GATC: variants seen among roughly 807,000 people sequenced by gnomAD.
GATC encodes glutamyl-tRNA amidotransferase subunit C.
In GATC, 11 loss-of-function variants were observed where a neutral mutation model predicts 14.4. That is an observed-to-expected ratio of 0.77 (90% CI 0.48 to 1.27). GATC has a LOEUF of 1.27. Ranked by LOEUF, GATC falls within the 50% of genes most tolerant of loss-of-function variation. The pLI, the probability that GATC is intolerant of heterozygous loss-of-function variation, is 0.00. For synonymous variants in GATC, 76 were observed against 79.3 expected (o/e 0.96, Z 0.22); for missense variants, 204 against 183.0 (o/e 1.11, Z -0.66).
In GATC at chr12:120,462,210, G is replaced by A. The variant is rs763535413; in HGVS notation, c.*2251G>A. On this transcript the variant is annotated 3_prime_UTR_variant, in exon 4 of 4. Coordinates refer to ENST00000551765, the MANE Select transcript of GATC (RefSeq NM_176818.3). Reference sequence around the variant, plus strand: ...AAGAGTAAAGGGGAAAAAAATCAGAGCCAGAAGAATAAGCAAACCAACATC... The same window carrying A: ...AAGAGTAAAGGGGAAAAAAATCAGAACCAGAAGAATAAGCAAACCAACATC... The A allele has an allele frequency of 4.5e-6, 7 of 1,558,130 alleles. No homozygotes were observed. The highest frequency in any genetic ancestry group is 4.4e-6 in the Non-Finnish European group (5 of 1,148,604).
chr12:120,447,869 T>C (rs76569989), intron 2 of GATC, among the ~76,000 whole-genome samples: 4,539 of 151,964 alleles, frequency 0.03, 241 homozygotes, highest in African/African-American at 0.1. Flanking sequence ...GAGCCTCCCA[T>C]CTCAGCCTCC....
intron 2 of GATC, among the ~76,000 whole-genome samples, chr12:120,453,827 G>A (rs1332975917): frequency 5.0e-5 from 7 of 140,260 alleles, no homozygotes; most frequent in Non-Finnish European, 8.0e-5. Flanking sequence ...AAAAAAAAAA[G>A]TAAAACAACA....
intron 3 of GATC, among the ~76,000 whole-genome samples, chr12:120,458,658 C>T (rs1878247223): frequency 6.6e-6 from 1 of 152,160 alleles, no homozygotes; most frequent in Non-Finnish European, 1.5e-5. Context: ...TTGTACTACC[C>T]CTCTGGGCAT....
intron 3 of GATC, among the ~76,000 whole-genome samples, 172 bp downstream of exon 3, chr12:120,457,351 G>C (rs1183640123): frequency 6.6e-6 from 1 of 152,032 alleles, no homozygotes; most frequent in African/African-American, 2.4e-5. Flanking sequence ...ACCTCTAGGG[G>C]GCAGTTAGTA....
intron 2 of GATC, among the ~76,000 whole-genome samples, chr12:120,449,119 C>T (rs920493356): frequency 6.6e-6 from 1 of 151,820 alleles, no homozygotes; most frequent in Non-Finnish European, 1.5e-5. Context: ...CCCACTACCA[C>T]GCCTGGCTAA....
intron 3 of GATC, 80 bp downstream of exon 3, chr12:120,457,259 T>TG (rs1239325161): frequency 7.4e-6 from 8 of 1,087,338 alleles, no homozygotes; most frequent in African/African-American, 3.1e-5. Flanking sequence ...GGACCAAAGA[T>TG]GCTATGTGAA....
At position 120,459,910 on chromosome 12, in the gene GATC, A is replaced by G; in HGVS notation, c.362A>G (p.Asn121Ser). Residue 121 changes from asparagine (N) to serine (S), a missense_variant, in exon 4 of 4, where the codon AAT becomes AGT. Transcript: ENST00000551765. ...VEEYFVAPPGNISLPKLDEQE... is the reference protein window; with the variant it reads ...VEEYFVAPPGSISLPKLDEQE... ...CTCTTTTGTTATTTTCAAACAGGTA[A>G]TATCTCTTTGCCAAAGCTGGATGAA... The G allele has an allele frequency of 1.2e-6, 2 of 1,611,340 alleles. No homozygotes were observed. The highest frequency in any genetic ancestry group is 1.7e-6 in the Non-Finnish European group (2 of 1,177,700).
rs151050315 is a variant in GATC at position 120,460,197 on chromosome 12, A to G, written c.*238A>G. On this transcript the variant is annotated 3_prime_UTR_variant, in exon 4 of 4. Transcript: ENST00000551765. ...AAAAGCAAAAGTCAGCTTCCAAGGAATTCACTTAACAGGCCTGTTCAGTAT... is the reference window on the plus strand; with the variant it reads ...AAAAGCAAAAGTCAGCTTCCAAGGAGTTCACTTAACAGGCCTGTTCAGTAT... 2.2e-6 allele frequency: 1 copy of G among 457,912 alleles called. No homozygotes were observed. Among genetic ancestry groups the G allele is most frequent in the African/African-American group, 2.0e-5 (1 of 49,368 alleles). 28.4% of individuals were successfully genotyped at this position (457,912 alleles called of 1,614,324 possible).
At position 120,461,237 on chromosome 12, in the gene GATC, A is replaced by G. The variant is rs1326834541; in HGVS notation, c.*1278A>G. The G allele has an allele frequency of 6.6e-6, 1 of 152,020 alleles. No individual in the cohort carries two copies. Among genetic ancestry groups the G allele is most frequent in the Non-Finnish European group, 1.5e-5 (1 of 68,050 alleles). The allele number at this position is 152,020 out of a possible 1,614,324, so 9.4% of individuals were successfully genotyped here. ...CAGCCTCCTAAGTAACTGGGACTAC[A>G]TATGTGCATCACCACGTCCAGTTAA... On this transcript the variant is annotated 3_prime_UTR_variant, in exon 4 of 4. Transcript: ENST00000551765.
At chr12:120,453,937 G>GTACA (rs951597621) in intron 2 of GATC, among the ~76,000 whole-genome samples, 6 of 152,064 alleles carry the variant, frequency 3.9e-5, no homozygotes, top group African/African-American at 1.4e-4. Flanking sequence ...ATGTATGTAT[G>GTACA]TACATACATA....
rs193163400 is a variant in GATC, at chr12:120,456,130, A to G, written c.255-946A>G. On this transcript the variant is annotated intron_variant, in intron 2 of 3. Coordinates refer to ENST00000551765, the MANE Select transcript of GATC (RefSeq NM_176818.3). ...AGGAGCGTGGCTACTACCGAATACCATATCAGTGATTTAACAGACTGCTTA... is the reference window on the plus strand; with the variant it reads ...AGGAGCGTGGCTACTACCGAATACCGTATCAGTGATTTAACAGACTGCTTA... Among the ~76,000 whole-genome samples, 37 of 152,302 alleles carry G rather than the reference A, an allele frequency of 2.4e-4. No homozygotes were observed. In the East Asian group the frequency reaches 3.1e-3, roughly 13 times the overall value.
At chr12:120,451,881 T>C (rs963616935) in intron 2 of GATC, among the ~76,000 whole-genome samples, 2 of 126,726 alleles carry the variant, frequency 1.6e-5, no homozygotes, top group Non-Finnish European at 3.4e-5. Flanking sequence ...AATTCTTTTT[T>C]TTTTTTTTTT....
chr12:120,449,503 G>A (rs1390224479), intron 2 of GATC, among the ~76,000 whole-genome samples: 1 of 152,014 alleles, frequency 6.6e-6, no homozygotes, highest in Admixed American at 6.6e-5. Context: ...CACGCTGGAG[G>A]CAGTGGCGTG....
rs1592988677 is a variant in GATC, at chr12:120,460,138, G to A, written c.*179G>A. 1 of 531,702 alleles carries A rather than the reference G, an allele frequency of 1.9e-6. No homozygotes were observed. The highest frequency in any genetic ancestry group is 3.4e-5 in the East Asian group (1 of 29,546). 32.9% of individuals were successfully genotyped at this position (531,702 alleles called of 1,614,324 possible). On this transcript the variant is annotated 3_prime_UTR_variant, in exon 4 of 4. Coordinates refer to ENST00000551765, the MANE Select transcript of GATC (RefSeq NM_176818.3). ...ATTGGGAAAGATCTGGCCCCAACAA[G>A]GCAGTGAGTTCCTGATGCTAACTGA...
chr12:120,450,606 G>T, intron 2 of GATC: 1 of 162,016 alleles, frequency 6.2e-6, no homozygotes, highest in South Asian at 1.7e-4. Flanking sequence ...CAGCTTTGTT[G>T]AGCCTGGTAT....
chr12:120,459,887 CTTT>C lies in GATC; in HGVS notation c.359-18_359-16del, dbSNP rs1300976484. 3 of 1,600,348 alleles carry C rather than the reference CTTT, an allele frequency of 1.9e-6. No homozygotes were observed. The African/African-American group carries it at 4.0e-5, about 21-fold the overall frequency. On this transcript the variant is annotated splice_polypyrimidine_tract_variant and intron_variant, in intron 3 of 3. Coordinates refer to ENST00000551765, the MANE Select transcript of GATC (RefSeq NM_176818.3). ...AAACAAACAAACAAACAAAAATTCT[CTTT>C]TGTTATTTTCAAACAGGTAATATCT...
At chr12:120,452,849 C>T (rs1878088728) in intron 2 of GATC, among the ~76,000 whole-genome samples, 1 of 151,968 alleles carries the variant, frequency 6.6e-6, no homozygotes, top group Admixed American at 6.6e-5. Context: ...CACACGCCAC[C>T]ACCCCTGGCT....
chr12:120,454,236 G>C (rs534695815), intron 2 of GATC, among the ~76,000 whole-genome samples: 1 of 152,292 alleles, frequency 6.6e-6, no homozygotes, highest in South Asian at 2.1e-4. Flanking sequence ...AAAGGAGCAG[G>C]TGCTACTCAG....
Position 120,461,262 on chromosome 12 carries a change from AT to A in GATC, c.*1312del, listed in dbSNP as rs944638968. 12 of 151,142 alleles carry A rather than the reference AT, an allele frequency of 7.9e-5. No individual in the cohort carries two copies. The highest frequency in any genetic ancestry group is 2.2e-4 in the African/African-American group (9 of 41,176). The allele number at this position is 151,142 out of a possible 1,614,324, so 9.4% of individuals were successfully genotyped here. A position where few individuals can be genotyped will look rare whatever the true frequency, so the allele number is the denominator to read the frequency against. ...ATATGTGCATCACCACGTCCAGTTAATTTTTTTTTAAGTAGAGGTGGGGGTT... is the reference window on the plus strand; with the variant it reads ...ATATGTGCATCACCACGTCCAGTTAATTTTTTTTAAGTAGAGGTGGGGGTT... On this transcript the variant is annotated 3_prime_UTR_variant, in exon 4 of 4. Coordinates refer to ENST00000551765, the MANE Select transcript of GATC (RefSeq NM_176818.3).
Sources: gnomAD v4.1 joint callset for allele counts (sites outside exome capture counted in the v4.1 genomes callset) on GRCh38, gnomAD v4.1.1 for gene constraint, MANE v1.5 for transcripts, NCBI Gene and HGNC (gene_info 2026-07-23, HGNC 2026-07-21) for gene names.